SZT2: variants seen among roughly 807,000 people sequenced by gnomAD.
SZT2 encodes the protein SZT2 subunit of KICSTOR complex.
Under a neutral mutation model 404.2 loss-of-function variants are expected in SZT2, and 216 were observed. The ratio of observed to expected loss-of-function variants is 0.53; its 90% CI spans 0.48 to 0.60. The LOEUF (loss-of-function observed/expected upper bound fraction) is 0.60. SZT2 is among the 20% of genes least tolerant of loss of function. The probability of loss-of-function intolerance (pLI) is 0.00; values close to 1 mark genes in which losing one functional copy is unlikely to be tolerated. For missense variants in SZT2, 3,857 were observed against 4,459.2 expected, an observed-to-expected ratio of 0.86 and a Z score of 3.85; for synonymous variants, 1,693 against 1,749.9, an observed-to-expected ratio of 0.97 and a Z score of 0.81.
intron 4 of SZT2, among the ~76,000 whole-genome samples, chr1:43,411,128 C>G (rs1650989858): frequency 6.6e-6 from 1 of 152,224 alleles, no homozygotes; most frequent in Admixed American, 6.5e-5. Context: ...GGGAAGCCAG[C>G]TGGGTTTCTG....
chr1:43,391,652 A>G (rs1056007148), intron 1 of SZT2, among the ~76,000 whole-genome samples: 1 of 152,236 alleles, frequency 6.6e-6, no homozygotes, highest in Non-Finnish European at 1.5e-5. Context: ...ATTATAGATT[A>G]AAGTGAAAGG....
Position 43,432,327 on chromosome 1 carries a change from G to T in SZT2, c.5330G>T (p.Gly1777Val). Residue 1777 changes from glycine (G) to valine (V), a missense_variant, in exon 37 of 72, where the codon GGC (glycine) becomes GTC (valine). Gly to Val is a moderately radical substitution (Grantham distance 109). This residue lies in a region of SZT2 where 1,725 missense variants were observed against 1,881.0 expected (regional missense o/e 0.92). Coordinates refer to ENST00000634258, the MANE Select transcript of SZT2 (RefSeq NM_001365999.1). Reference protein sequence around the residue: ...GHVLLEDPDSGFFFVAAGQQP... With the variant: ...GHVLLEDPDSVFFFVAAGQQP... ...GTTCTTCTTGAAGACCCTGACAGTG[G>T]CTTCTTCTTTGTGGCAGCTGGCCAA... 2 of 1,604,896 alleles carry T rather than the reference G, an allele frequency of 1.2e-6. No individual in the cohort carries two copies. The highest frequency in any genetic ancestry group is 1.1e-5 in the South Asian group (1 of 89,606).
Position 43,453,753 on chromosome 1 carries a change from A to G in SZT2, c.*3273A>G. ...CGCGGGGAGGCCGGAGAGCTCGGGGAATAGCCAGGACAGATTGGCGGAGAA... is the reference window on the plus strand; with the variant it reads ...CGCGGGGAGGCCGGAGAGCTCGGGGGATAGCCAGGACAGATTGGCGGAGAA... On this transcript the variant is annotated 3_prime_UTR_variant, in exon 72 of 72. Coordinates refer to ENST00000634258, the MANE Select transcript of SZT2 (RefSeq NM_001365999.1). 1 of 1,380,080 alleles carries G rather than the reference A, an allele frequency of 7.2e-7. No homozygotes were observed. Among genetic ancestry groups the G allele is most frequent in the South Asian group, 1.7e-5 (1 of 57,714 alleles). The allele number at this position is 1,380,080 out of a possible 1,614,324, so 85.5% of individuals were successfully genotyped here. A position where few individuals can be genotyped will look rare whatever the true frequency, so the allele number is the denominator to read the frequency against.
intron 70 of SZT2, chr1:43,449,154 G>T: frequency 5.0e-6 from 1 of 198,672 alleles, no homozygotes; most frequent in South Asian, 9.0e-5. Flanking sequence ...CTGTTGACTC[G>T]GGATCTGCAG....
rs1286601668 is a variant in SZT2 at position 43,435,807 on chromosome 1, C to G, written c.6034+478C>G. On this transcript the variant is annotated intron_variant, in intron 42 of 71. Transcript: ENST00000634258. ...AGAGATCACTGAAGGGGCACCAGGC[C>G]ATGATCTGTCTTCCTAAGAGTCTGC... is the stretch of plus-strand genomic sequence containing the variant. 4 of 154,020 alleles carry G rather than the reference C, an allele frequency of 2.6e-5. No homozygotes were observed. In the East Asian group the frequency reaches 5.8e-4, roughly 22 times the overall value. 9.5% of individuals were successfully genotyped at this position (154,020 alleles called of 1,614,324 possible).
chr1:43,400,425 ACT>A (rs1320579104), intron 1 of SZT2, among the ~76,000 whole-genome samples: 3 of 151,644 alleles, frequency 2.0e-5, no homozygotes, highest in Admixed American at 1.3e-4. Flanking sequence ...TCCATTTGTC[ACT>A]CTCAGTAGAT....
chr1:43,431,978 C>G, intron 36 of SZT2, 77 bp downstream of exon 36: 1 of 1,539,352 alleles, frequency 6.5e-7, no homozygotes, highest in Non-Finnish European at 8.9e-7. Context: ...GACTGGAAGG[C>G]CCTCTGTTAG....
chr1:43,445,912 C>T lies in SZT2; in HGVS notation c.8844C>T (p.Ala2948=), dbSNP rs1419831214. 2 of 1,614,120 alleles carry T rather than the reference C, an allele frequency of 1.2e-6. No homozygotes were observed. The highest frequency in any genetic ancestry group is 2.2e-5 in the East Asian group (1 of 44,896). ...SPARSTSRPR[A]MAILGTEGRG... is the part of the protein sequence containing the mutation. ...TCTATAGCACCAGCCGGCCACGGGC[C>T]ATGGCTATCCTTGGAACAGAGGGTC... Residue 2948 remains alanine, a synonymous_variant, in exon 63 of 72, where the codon GCC becomes GCT. Transcript: ENST00000634258.
chr1:43,429,386 T>C (rs1217901682), intron 28 of SZT2: 5 of 261,188 alleles, frequency 1.9e-5, no homozygotes, highest in Non-Finnish European at 3.7e-5. Context: ...ATTTAAAAAT[T>C]AGCTGGGCGT....
At chr1:43,409,028 G>A (rs1358410093) in intron 4 of SZT2, among the ~76,000 whole-genome samples, 1 of 152,184 alleles carries the variant, frequency 6.6e-6, no homozygotes, top group African/African-American at 2.4e-5. Flanking sequence ...ATTTTAGGAT[G>A]GGGATACTTA....
At chr1:43,438,624 G>C in intron 46 of SZT2, 75 bp from the exon 47 acceptor site, 1 of 1,383,206 alleles carries the variant, frequency 7.2e-7, no homozygotes, top group Non-Finnish European at 1.0e-6. Context: ...CTTTGAGTTT[G>C]GCATGATAGG....
chr1:43,392,083 C>CAAAAAAAAAAAAAA (rs57476239), intron 1 of SZT2, among the ~76,000 whole-genome samples: 1 of 3,378 alleles, frequency 3.0e-4, no homozygotes, highest in Non-Finnish European at 4.9e-4. Context: ...GACTCCGTCT[C>CAAAAAAAAAAAAAA]AAAAAAAAAA....
chr1:43,445,470 T>C, intron 62 of SZT2: 1 of 266,298 alleles, frequency 3.8e-6, no homozygotes, highest in East Asian at 8.7e-5. Context: ...GCAGTAGGCC[T>C]CTGAAAGCCT....
chr1:43,389,990 C>A lies in SZT2; in HGVS notation c.22C>A (p.Pro8Thr). The change falls in exon 1 of 72, where the codon CCG (proline) becomes ACG (threonine). Residue 8 changes from proline to threonine, a missense_variant. Around this residue, in one of 7 missense-constraint regions of SZT2, gnomAD observed 536 missense variants for 637.4 expected, o/e 0.84. Transcript: ENST00000634258. MASERPEPEVEEAGQVFL... is the reference protein window; with the variant it reads MASERPETEVEEAGQVFL... ...TGTGATGGCCTCGGAGCGCCCGGAGCCGGAGGTGAGGGGCGGGCGGGCGCA... is the reference window on the plus strand; with the variant it reads ...TGTGATGGCCTCGGAGCGCCCGGAGACGGAGGTGAGGGGCGGGCGGGCGCA... The A allele has an allele frequency of 7.2e-7, 1 of 1,392,376 alleles. No individual in the cohort carries two copies. The highest frequency in any genetic ancestry group is 9.3e-7 in the Non-Finnish European group (1 of 1,076,446). 86.3% of individuals were successfully genotyped at this position (1,392,376 alleles called of 1,614,324 possible). A position where few individuals can be genotyped will look rare whatever the true frequency, so the allele number is the denominator to read the frequency against.
chr1:43,452,125 C>T lies in SZT2; in HGVS notation c.*1645C>T, dbSNP rs946962010. ...CCTCTGACCTAGGCTGGCAGCCTCA[C>T]GTGCTGTCCCCACTGTGCACCCCCT... On this transcript the variant is annotated 3_prime_UTR_variant, in exon 72 of 72. Transcript: ENST00000634258. 17 of 1,485,174 alleles carry T rather than the reference C, an allele frequency of 1.1e-5. No homozygotes were observed. The highest frequency in any genetic ancestry group is 1.1e-4 in the African/African-American group (8 of 72,292). The allele number at this position is 1,485,174 out of a possible 1,614,324, so 92.0% of individuals were successfully genotyped here.
At position 43,425,532 on chromosome 1, in the gene SZT2, C is replaced by T. The variant is rs1653038781; in HGVS notation, c.2704C>T (p.Leu902Phe). ...GGAGGCCCTGGAGGGAGACTCAGAG[C>T]TCAATCTGGTCACTGAGGTGTGGGT... ...EVEALEGDSE[L>F]NLVTEVWVEP... Residue 902 changes from leucine to phenylalanine, a missense_variant, in exon 19 of 72, where the codon CTC becomes TTC. Physicochemically the swap from Leu to Phe is conservative, Grantham distance 22. Transcript: ENST00000634258. The surrounding 1 kb of genome is among the most constrained non-coding windows in gnomAD (Gnocchi z 4.3). 2 of 1,614,080 alleles carry T rather than the reference C, an allele frequency of 1.2e-6. No individual in the cohort carries two copies. Among genetic ancestry groups the T allele is most frequent in the South Asian group, 2.2e-5 (2 of 91,090 alleles).
chr1:43,418,402 T>G (rs1465856202), intron 7 of SZT2, among the ~76,000 whole-genome samples: 1 of 152,174 alleles, frequency 6.6e-6, no homozygotes, highest in African/African-American at 2.4e-5. Context: ...AGGGATTCTT[T>G]TGGAGCAGGG....
At position 43,424,456 on chromosome 1, in the gene SZT2, T is replaced by C; in HGVS notation, c.2471+24T>C. ...GAGTATGTCATCCAAGCCTGCCAGG[T>C]CACTCGGGGCAAGGAGAGAGCAAGT... is the stretch of plus-strand genomic sequence containing the variant. On this transcript the variant is annotated intron_variant, in intron 16 of 71. Transcript: ENST00000634258. The surrounding 1 kb of genome is among the most constrained non-coding windows in gnomAD (Gnocchi z 4.1). The C allele has an allele frequency of 6.3e-7, 1 of 1,594,880 alleles. No individual in the cohort carries two copies. Among genetic ancestry groups the C allele is most frequent in the East Asian group, 2.2e-5 (1 of 44,854 alleles).
chr1:43,429,587 C>A, intron 28 of SZT2, 116 bp from the exon 29 acceptor site: 1 of 1,331,754 alleles, frequency 7.5e-7, no homozygotes, highest in Admixed American at 1.8e-5. Context: ...TGCCATTACG[C>A]TAAGTACTCT....
Sources: gnomAD v4.1 joint callset for allele counts (sites outside exome capture counted in the v4.1 genomes callset) on GRCh38, gnomAD v4.1.1 for gene constraint, gnomAD v4.1.1 regional missense constraint, Gnocchi (gnomAD v3.1) non-coding constraint, MANE v1.5 for transcripts, NCBI Gene and HGNC (gene_info 2026-07-23, HGNC 2026-07-21) for gene names.